The following CA10 variants were observed in gnomAD, a reference collection of about 807,000 sequenced individuals.
The protein encoded by CA10 is carbonic anhydrase-related protein 10.
A neutral mutation model predicts 44.2 loss-of-function variants in CA10; 14 were observed. That is an observed-to-expected ratio of 0.32 (90% CI 0.21 to 0.50). The LOEUF is 0.50. Among genes scored for constraint, CA10 ranks in the 20% least tolerant of loss-of-function variants. The pLI, the probability that CA10 is intolerant of heterozygous loss-of-function variation, is 0.99. For synonymous variants in CA10, 159 were observed against 141.6 expected, an observed-to-expected ratio of 1.12 and a Z score of -0.87; for missense variants, 350 against 409.7, an observed-to-expected ratio of 0.85 and a Z score of 1.26.
intron 3 of CA10, among the ~76,000 whole-genome samples, chr17:51,898,005 C>T (rs763732637): frequency 3.0e-4 from 46 of 152,204 alleles, no homozygotes; most frequent in Non-Finnish European, 5.4e-4. Context: ...ATCATATTGT[C>T]TGCAAACAGA....
Position 51,631,423 on chromosome 17 carries a change from C to T in CA10, c.*161G>A, listed in dbSNP as rs987590910. On this transcript the variant is annotated 3_prime_UTR_variant, in exon 9 of 9. Transcript: ENST00000451037. Reference sequence around the variant, plus strand: ...ATGTGTGAGAGATGTATTCCTCTGCCATGGTTTTGCAGACACTTTTCATGA... The same window carrying T: ...ATGTGTGAGAGATGTATTCCTCTGCTATGGTTTTGCAGACACTTTTCATGA... The T allele has an allele frequency of 4.2e-6, 3 of 720,906 alleles. No individual in the cohort carries two copies. The highest frequency in any genetic ancestry group is 1.8e-5 in the African/African-American group (1 of 56,430). The allele number at this position is 720,906 out of a possible 1,614,324, so 44.7% of individuals were successfully genotyped here.
intron 3 of CA10, among the ~76,000 whole-genome samples, chr17:51,915,831 G>A (rs897165614): frequency 6.6e-6 from 1 of 151,730 alleles, no homozygotes; most frequent in Non-Finnish European, 1.5e-5. Context: ...TTTTGTAATC[G>A]CAAAAGGAAA....
chr17:51,855,263 G>A (rs577914895), intron 3 of CA10, among the ~76,000 whole-genome samples: 1 of 152,240 alleles, frequency 6.6e-6, no homozygotes, highest in African/African-American at 2.4e-5. Flanking sequence ...GGTCCACAAT[G>A]AGCATTTGAT....
intron 2 of CA10, among the ~76,000 whole-genome samples, chr17:51,936,592 G>A (rs1414341083): frequency 2.6e-5 from 4 of 152,288 alleles, no homozygotes; most frequent in African/African-American, 9.6e-5. Flanking sequence ...TGGACCAGAT[G>A]AGGAGAAGAG....
At position 51,870,544 on chromosome 17, in the gene CA10, T is replaced by C. The variant is rs1979754742; in HGVS notation, c.279+60446A>G. 4.6e-5 allele frequency among the ~76,000 whole-genome samples: 7 copies of C among 152,306 alleles called. No individual in the cohort carries two copies. In the South Asian group the frequency reaches 1.5e-3, roughly 32 times the overall value. ...CAGTCCATAAAAGCTATGAAATAAA[T>C]CAACTGTTCTTTCAGGCATGGAATA... On this transcript the variant is annotated intron_variant, in intron 3 of 8. Coordinates refer to ENST00000451037, the MANE Select transcript of CA10 (RefSeq NM_020178.5).
intron 1 of CA10, among the ~76,000 whole-genome samples, chr17:52,094,628 T>C (rs1251824205): frequency 1.3e-5 from 2 of 152,130 alleles, no homozygotes; most frequent in African/African-American, 2.4e-5. Context: ...TAAAACTTAA[T>C]AGGGAAAAGA....
intron 3 of CA10, among the ~76,000 whole-genome samples, chr17:51,893,240 C>T (rs373290135): frequency 1.3e-5 from 2 of 152,012 alleles, no homozygotes; most frequent in East Asian, 3.9e-4. Context: ...ACTGGTTCTG[C>T]GTGGGTGGAA....
intron 3 of CA10, among the ~76,000 whole-genome samples, chr17:51,861,438 A>C (rs1979300980): frequency 6.6e-6 from 1 of 152,188 alleles, no homozygotes; most frequent in Non-Finnish European, 1.5e-5. Flanking sequence ...AGGATTAGAA[A>C]GGCATTAGGA....
At chr17:51,671,830 T>C (rs1256674141) in intron 4 of CA10, among the ~76,000 whole-genome samples, 1 of 152,240 alleles carries the variant, frequency 6.6e-6, no homozygotes, top group African/African-American at 2.4e-5. Context: ...TGGATTTTCC[T>C]GTATGAATTT....
chr17:52,125,926 C>G (rs1253127523), intron 1 of CA10, among the ~76,000 whole-genome samples: 1 of 152,118 alleles, frequency 6.6e-6, no homozygotes, highest in Non-Finnish European at 1.5e-5. Flanking sequence ...GGCTCAAGTC[C>G]TATCCATTCA....
intron 2 of CA10, among the ~76,000 whole-genome samples, chr17:52,033,284 T>C (rs1013716318): frequency 1.3e-5 from 2 of 151,952 alleles, no homozygotes; most frequent in Non-Finnish European, 2.9e-5. Context: ...ATTGAAAAAA[T>C]ACAAAAGACT....
At chr17:51,737,401 GCTAGATGAGTTCTAAGGTGAAC>G (rs72138134) in intron 4 of CA10, among the ~76,000 whole-genome samples, 3,247 of 152,076 alleles carry the variant, frequency 0.021, 124 homozygotes, top group African/African-American at 0.074. Context: ...TTCAGTTTGG[GCTAGATGAGTTCTAAGGTGAAC>G]CTTAGAACTT....
chr17:51,894,325 G>T (rs373463957), intron 3 of CA10, among the ~76,000 whole-genome samples: 3 of 152,186 alleles, frequency 2.0e-5, no homozygotes, highest in South Asian at 2.1e-4. Context: ...TGAAAGAATA[G>T]CTTCCTGAAT....
intron 1 of CA10, among the ~76,000 whole-genome samples, chr17:52,084,856 T>G (rs898471161): frequency 6.6e-6 from 1 of 152,200 alleles, no homozygotes; most frequent in Non-Finnish European, 1.5e-5. Flanking sequence ...GACATGTGAA[T>G]AAGTTCTGGT....
intron 2 of CA10, among the ~76,000 whole-genome samples, chr17:52,048,214 C>T (rs960146106): frequency 1.3e-5 from 2 of 151,826 alleles, no homozygotes; most frequent in African/African-American, 2.4e-5. Flanking sequence ...GTATATATTT[C>T]AGGAAAAGAT....
At chr17:51,998,961 C>T (rs970710237) in intron 2 of CA10, among the ~76,000 whole-genome samples, 2 of 152,004 alleles carry the variant, frequency 1.3e-5, no homozygotes, top group African/African-American at 4.8e-5. Context: ...AACTGACTCT[C>T]TATTACCAAC....
intron 2 of CA10, among the ~76,000 whole-genome samples, chr17:51,991,358 A>G (rs61088343): frequency 0.018 from 2,715 of 152,228 alleles, 83 homozygotes; most frequent in African/African-American, 0.062. Context: ...CTTTAGATCT[A>G]TTTCAGATGT....
At chr17:51,666,715 TTAA>T (rs1428684229) in intron 4 of CA10, among the ~76,000 whole-genome samples, 1 of 143,672 alleles carries the variant, frequency 7.0e-6, no homozygotes, top group Non-Finnish European at 1.5e-5. Flanking sequence ...TATCTGAGTA[TTAA>T]TATTTTAACT....
intron 2 of CA10, among the ~76,000 whole-genome samples, chr17:52,055,897 T>G (rs964504847): frequency 2.0e-5 from 3 of 152,212 alleles, no homozygotes; most frequent in African/African-American, 7.2e-5. Context: ...CATAAAAGTA[T>G]TTATAATTGA....
Sources: allele counts gnomAD v4.1 joint callset (sites outside exome capture counted in the v4.1 genomes callset), GRCh38; gene constraint gnomAD v4.1.1; transcripts MANE v1.5; gene names NCBI Gene and HGNC (gene_info 2026-07-23, HGNC 2026-07-21).